The following HTR4 variants were observed in gnomAD, a reference collection of about 807,000 sequenced individuals.
HTR4 encodes 5-hydroxytryptamine receptor 4.
HTR4 carries 16 observed loss-of-function variants against 36.8 expected under a neutral mutation model. The ratio of observed to expected loss-of-function variants is 0.43; its 90% CI spans 0.29 to 0.66. The LOEUF (loss-of-function observed/expected upper bound fraction) is 0.66, where lower values mean the gene tolerates loss of function less well. Ranked by LOEUF, HTR4 falls within the 30% of genes least tolerant of loss-of-function variation. HTR4 has a pLI of 0.13. For missense variants in HTR4, 438 were observed against 490.9 expected (o/e 0.89, Z 1.02); for synonymous variants, 189 against 185.1 (o/e 1.02, Z -0.17).
intron 1 of HTR4, among the ~76,000 whole-genome samples, chr5:148,643,982 C>T (rs1269961186): frequency 2.0e-5 from 3 of 152,132 alleles, no homozygotes; most frequent in African/African-American, 7.2e-5. Context: ...CTGTTTATTG[C>T]AGAGCAATGG....
At chr5:148,601,057 G>C (rs964030144) in intron 2 of HTR4, among the ~76,000 whole-genome samples, 1 of 96,250 alleles carries the variant, frequency 1.0e-5, no homozygotes, top group African/African-American at 4.1e-5. Flanking sequence ...TTTTTCCAAA[G>C]AAGACATAAG....
intron 4 of HTR4, among the ~76,000 whole-genome samples, chr5:148,544,272 T>C (rs1037644220): frequency 2.6e-5 from 4 of 151,254 alleles, no homozygotes; most frequent in Non-Finnish European, 3.0e-5. Flanking sequence ...TCTCTCTCTC[T>C]CTCTTTCTCT....
chr5:148,623,551 G>A (rs755061375), intron 2 of HTR4, among the ~76,000 whole-genome samples: 12 of 152,280 alleles, frequency 7.9e-5, no homozygotes, highest in Middle Eastern at 6.8e-3. Flanking sequence ...TCTCACTGTT[G>A]TTGCTTTTCT....
At chr5:148,500,745 A>G (rs537206844) in intron 6 of HTR4, among the ~76,000 whole-genome samples, 1 of 152,274 alleles carries the variant, frequency 6.6e-6, no homozygotes, top group Non-Finnish European at 1.5e-5. Flanking sequence ...ATAGTATATA[A>G]CTAATTTAAA....
chr5:148,550,738 A>G (rs1759642279), intron 2 of HTR4, among the ~76,000 whole-genome samples: 1 of 152,190 alleles, frequency 6.6e-6, no homozygotes, highest in African/African-American at 2.4e-5. Context: ...CCAGGCCCAG[A>G]TGAACCAAGC....
chr5:148,629,613 C>G (rs1753248592), intron 2 of HTR4: 1 of 152,110 alleles, frequency 6.6e-6, no homozygotes, highest in African/African-American at 2.4e-5. Flanking sequence ...TGGGAGCACC[C>G]CTTTCAGTAA....
At chr5:148,565,763 C>T (rs1366355976) in intron 2 of HTR4, among the ~76,000 whole-genome samples, 1 of 152,132 alleles carries the variant, frequency 6.6e-6, no homozygotes, top group Non-Finnish European at 1.5e-5. Flanking sequence ...CAAAGATAGA[C>T]AGACTGAAGT....
chr5:148,611,702 TA>T (rs1434513298), intron 2 of HTR4, among the ~76,000 whole-genome samples: 1 of 151,430 alleles, frequency 6.6e-6, no homozygotes, highest in Non-Finnish European at 1.5e-5. Flanking sequence ...GTAAATGGAC[TA>T]AATGCTCCAA....
At chr5:148,463,892 A>T (rs1428781372) in intron 5 of HTR4, among the ~76,000 whole-genome samples, 1 of 152,186 alleles carries the variant, frequency 6.6e-6, no homozygotes, top group Non-Finnish European at 1.5e-5. Flanking sequence ...AGACAAAGAG[A>T]TCAGTGAAAC....
At chr5:148,623,919 G>A (rs931472416) in intron 2 of HTR4, among the ~76,000 whole-genome samples, 2 of 152,152 alleles carry the variant, frequency 1.3e-5, no homozygotes, top group African/African-American at 4.8e-5. Context: ...TTAAAAGGGC[G>A]TTCCCCCTCC....
chr5:148,498,964 G>A (rs1048109823), intron 6 of HTR4, among the ~76,000 whole-genome samples: 1 of 152,162 alleles, frequency 6.6e-6, no homozygotes, highest in Non-Finnish European at 1.5e-5. Flanking sequence ...CAAAATGGTA[G>A]AGTTGATAGA....
chr5:148,528,825 G>C (rs149549586), intron 4 of HTR4, among the ~76,000 whole-genome samples: 1 of 152,100 alleles, frequency 6.6e-6, no homozygotes, highest in East Asian at 1.9e-4. Context: ...TTTGGAGGGA[G>C]GTAAGGCAAA....
At chr5:148,613,186 C>T (rs1250134496) in intron 2 of HTR4, among the ~76,000 whole-genome samples, 1 of 151,014 alleles carries the variant, frequency 6.6e-6, no homozygotes, top group Non-Finnish European at 1.5e-5. Flanking sequence ...TTTATGAGGC[C>T]AGCATCATTC....
chr5:148,549,000 G>C, intron 3 of HTR4, 132 bp from the exon 4 acceptor site: 1 of 673,612 alleles, frequency 1.5e-6, no homozygotes, highest in Non-Finnish European at 2.6e-6. Context: ...GGGGAAAGAG[G>C]AAAGAAAAAG....
chr5:148,613,225 C>CA (rs1442344234), intron 2 of HTR4, among the ~76,000 whole-genome samples: 2 of 148,970 alleles, frequency 1.3e-5, no homozygotes, highest in East Asian at 4.0e-4. Context: ...GAGACACAAC[C>CA]AAAAAAGAGA....
intron 5 of HTR4, among the ~76,000 whole-genome samples, chr5:148,460,894 G>T (rs370800716): frequency 1.3e-5 from 2 of 152,146 alleles, no homozygotes; most frequent in East Asian, 1.9e-4. Context: ...AAATTGTTAA[G>T]TTGGACCATC....
intron 4 of HTR4, among the ~76,000 whole-genome samples, chr5:148,536,070 C>T (rs147025183): frequency 5.9e-5 from 9 of 152,158 alleles, no homozygotes; most frequent in African/African-American, 1.4e-4. Context: ...CAGAAAGAAT[C>T]GTAGTCCTAT....
intron 2 of HTR4, among the ~76,000 whole-genome samples, chr5:148,614,798 T>C: frequency 6.6e-6 from 1 of 152,160 alleles, no homozygotes. Flanking sequence ...AAAGGGCTAA[T>C]ATCCAGAATC....
chr5:148,472,276 CT>C (rs1755587667), downstream of HTR4, among the ~76,000 whole-genome samples: 1 of 152,192 alleles, frequency 6.6e-6, no homozygotes, highest in African/African-American at 2.4e-5. Flanking sequence ...AGCACAATGC[CT>C]GGCACACAGT....
Sources: allele counts gnomAD v4.1 joint callset (sites outside exome capture counted in the v4.1 genomes callset), GRCh38; gene constraint gnomAD v4.1.1; transcripts MANE v1.5; gene names NCBI Gene and HGNC (gene_info 2026-07-23, HGNC 2026-07-21).